GPATCH2: variants seen among roughly 807,000 people sequenced by gnomAD.
GPATCH2 encodes the protein G patch domain-containing protein 2.
A neutral mutation model predicts 58.0 loss-of-function variants in GPATCH2; 51 were observed. The ratio of observed to expected loss-of-function variants is 0.88; its 90% CI spans 0.70 to 1.11. GPATCH2 has a LOEUF of 1.11. Ranked by LOEUF, GPATCH2 falls within the 50% of genes most tolerant of loss-of-function variation. GPATCH2 has a pLI of 0.00. For missense variants in GPATCH2, 625 were observed against 652.2 expected (o/e 0.96, Z 0.45); for synonymous variants, 222 against 218.5 (o/e 1.02, Z -0.14).
intron 8 of GPATCH2, among the ~76,000 whole-genome samples, chr1:217,459,042 TA>T (rs1660081717): frequency 6.6e-6 from 1 of 152,186 alleles, no homozygotes; most frequent in Non-Finnish European, 1.5e-5. Context: ...CTTATTGAAC[TA>T]AAATGAATAA....
chr1:217,536,382 C>G (rs1257154100), intron 5 of GPATCH2, among the ~76,000 whole-genome samples: 1 of 152,152 alleles, frequency 6.6e-6, no homozygotes, highest in Non-Finnish European at 1.5e-5. Flanking sequence ...CATACATGCA[C>G]TGAATATTTT....
At chr1:217,520,042 T>A (rs565958680) in intron 5 of GPATCH2, among the ~76,000 whole-genome samples, 1 of 152,336 alleles carries the variant, frequency 6.6e-6, no homozygotes, top group South Asian at 2.1e-4. Context: ...ATGTTTCACC[T>A]TTATCTGTCT....
At chr1:217,468,564 G>GAA (rs1660578121) in intron 8 of GPATCH2, among the ~76,000 whole-genome samples, 1 of 142,576 alleles carries the variant, frequency 7.0e-6, no homozygotes. Context: ...CACACACACA[G>GAA]AGAGAAAGAG....
At chr1:217,524,741 A>G (rs1663739309) in intron 5 of GPATCH2, among the ~76,000 whole-genome samples, 1 of 149,660 alleles carries the variant, frequency 6.7e-6, no homozygotes, top group Non-Finnish European at 1.5e-5. Flanking sequence ...CGCACCTGCA[A>G]TTGCAGGCAC....
chr1:217,508,905 TA>T (rs1240555389), intron 6 of GPATCH2, among the ~76,000 whole-genome samples: 1 of 152,222 alleles, frequency 6.6e-6, no homozygotes, highest in Non-Finnish European at 1.5e-5. Flanking sequence ...GATTAGACTT[TA>T]AATATAGTAA....
At chr1:217,479,416 T>C (rs931657506) in intron 8 of GPATCH2, among the ~76,000 whole-genome samples, 1 of 152,208 alleles carries the variant, frequency 6.6e-6, no homozygotes, top group Admixed American at 6.5e-5. Context: ...GTTTTCTTTT[T>C]GCTTTATGCA....
chr1:217,459,767 T>C (rs1160887363), intron 8 of GPATCH2, among the ~76,000 whole-genome samples: 1 of 152,130 alleles, frequency 6.6e-6, no homozygotes, highest in African/African-American at 2.4e-5. Flanking sequence ...CCTAACTTTT[T>C]TGAGGGAAGT....
intron 5 of GPATCH2, among the ~76,000 whole-genome samples, chr1:217,578,149 C>T (rs1041119247): frequency 4.0e-5 from 6 of 151,010 alleles, no homozygotes; most frequent in African/African-American, 1.5e-4. Context: ...GGGGGGATTA[C>T]CAGTTTAAAT....
intron 2 of GPATCH2, among the ~76,000 whole-genome samples, chr1:217,615,770 C>T (rs1668856925): frequency 1.3e-5 from 2 of 152,046 alleles, no homozygotes; most frequent in African/African-American, 2.4e-5. Context: ...AATGAATATC[C>T]ACATTAAGTA....
intron 8 of GPATCH2, among the ~76,000 whole-genome samples, chr1:217,477,711 G>C (rs112261822): frequency 8.3e-4 from 127 of 152,208 alleles, no homozygotes; most frequent in Non-Finnish European, 1.5e-3. Context: ...TGCAACTACT[G>C]GTGTGAGTGC....
intron 6 of GPATCH2, among the ~76,000 whole-genome samples, chr1:217,509,499 T>C (rs140286591): frequency 6.6e-4 from 101 of 152,304 alleles, no homozygotes; most frequent in African/African-American, 2.4e-3. Context: ...GTGATTTGTC[T>C]TATATCTTCT....
chr1:217,441,351 T>TAACTC (rs56721531), intron 9 of GPATCH2, among the ~76,000 whole-genome samples: 35,881 of 151,052 alleles, frequency 0.24, 5,545 homozygotes, highest in African/African-American at 0.45. Context: ...ATACAAAAAT[T>TAACTC]AAGATGGATT....
intron 6 of GPATCH2, among the ~76,000 whole-genome samples, chr1:217,506,501 G>A (rs1662571243): frequency 6.6e-6 from 1 of 152,210 alleles, no homozygotes; most frequent in South Asian, 2.1e-4. Context: ...ATGTGGCTAG[G>A]TAAGAACAGA....
At chr1:217,460,610 G>A (rs551919103) in intron 8 of GPATCH2, among the ~76,000 whole-genome samples, 1 of 152,354 alleles carries the variant, frequency 6.6e-6, no homozygotes, top group African/African-American at 2.4e-5. Context: ...AGGCAACTCA[G>A]TATAACTGGA....
chr1:217,448,520 G>A (rs982321750), intron 9 of GPATCH2, among the ~76,000 whole-genome samples: 2 of 152,112 alleles, frequency 1.3e-5, no homozygotes, highest in African/African-American at 4.8e-5. Flanking sequence ...CCTTACCACT[G>A]CTCTTGCATG....
chr1:217,441,801 C>T (rs2102539274), intron 9 of GPATCH2, among the ~76,000 whole-genome samples: 1 of 152,294 alleles, frequency 6.6e-6, no homozygotes. Flanking sequence ...GACACCATCC[C>T]ATGCCGGTTA....
chr1:217,527,013 G>A (rs1663939881), intron 5 of GPATCH2, among the ~76,000 whole-genome samples: 1 of 152,172 alleles, frequency 6.6e-6, no homozygotes, highest in Non-Finnish European at 1.5e-5. Context: ...AGGAAAACAA[G>A]CTGAGTGCTC....
At chr1:217,516,721 A>C (rs892149517) in intron 5 of GPATCH2, among the ~76,000 whole-genome samples, 15 of 152,224 alleles carry the variant, frequency 9.9e-5, no homozygotes, top group Non-Finnish European at 2.9e-5. Context: ...GGCTGCTGAC[A>C]ACCTTTTCCA....
chr1:217,491,966 T>G (rs1336335418), intron 7 of GPATCH2, among the ~76,000 whole-genome samples: 2 of 152,010 alleles, frequency 1.3e-5, no homozygotes, highest in Admixed American at 6.6e-5. Context: ...TTTTTAAAAT[T>G]CATTCTTTAT....
Sources: gnomAD v4.1 joint callset for allele counts (sites outside exome capture counted in the v4.1 genomes callset) on GRCh38, gnomAD v4.1.1 for gene constraint, MANE v1.5 for transcripts, NCBI Gene and HGNC (gene_info 2026-07-23, HGNC 2026-07-21) for gene names.